KLHL15: variants seen among roughly 807,000 people sequenced by gnomAD.
KLHL15 encodes kelch-like protein 15.
KLHL15 carries 1 observed loss-of-function variant against 29.3 expected under a neutral mutation model. The ratio of observed to expected loss-of-function variants is 0.03; its 90% CI spans 0.01 to 0.16. The LOEUF (loss-of-function observed/expected upper bound fraction) is 0.16, where lower values mean the gene tolerates loss of function less well. Among genes scored for constraint, KLHL15 ranks in the 10% least tolerant of loss-of-function variants. The probability of loss-of-function intolerance (pLI) is 1.00; values close to 1 mark genes in which losing one functional copy is unlikely to be tolerated. For missense variants in KLHL15, 215 were observed against 478.5 expected (o/e 0.45, Z 5.14); for synonymous variants, 212 against 184.5 (o/e 1.15, Z -1.21).
intron 2 of KLHL15, among the ~76,000 whole-genome samples, chrX:24,015,995 A>G (rs5925982): frequency 0.44 from 47,588 of 106,978 alleles, 9,274 homozygotes; most frequent in South Asian, 0.77. Context: ...GTGAAACTCC[A>G]TCTCAAATTA....
intron 2 of KLHL15, among the ~76,000 whole-genome samples, chrX:24,016,339 C>CAAAAAAAA (rs755683770): frequency 9.2e-5 from 2 of 21,691 alleles, no homozygotes; most frequent in African/African-American, 2.9e-4. Flanking sequence ...GACTCTGTCT[C>CAAAAAAAA]AAAAAAAAAA....
chrX:23,993,004 T>C (rs986735419), intron 3 of KLHL15, among the ~76,000 whole-genome samples: 1 of 111,312 alleles, frequency 9.0e-6, no homozygotes, highest in Non-Finnish European at 1.9e-5. Context: ...TAATGTAATA[T>C]TAACAAATAA....
intron 3 of KLHL15, among the ~76,000 whole-genome samples, chrX:23,990,617 T>C (rs1437257777): frequency 2.7e-5 from 3 of 111,081 alleles, no homozygotes; most frequent in East Asian, 2.8e-4. Flanking sequence ...TTGATATCAA[T>C]AGGGAAAGCA....
chrX:24,014,937 C>G (rs1184683043), intron 2 of KLHL15, among the ~76,000 whole-genome samples: 1 of 112,307 alleles, frequency 8.9e-6, no homozygotes. Context: ...CCACTTCTGT[C>G]TGCCATGTGG....
At chrX:24,004,097 G>A (rs1034749115) in intron 3 of KLHL15, among the ~76,000 whole-genome samples, 9 of 111,426 alleles carry the variant, frequency 8.1e-5, no homozygotes, top group South Asian at 7.5e-4. Context: ...TAGAACGAAT[G>A]GGGGCTTTTC....
At chrX:23,997,016 AG>A (rs1433295947) in intron 3 of KLHL15, among the ~76,000 whole-genome samples, 1 of 112,090 alleles carries the variant, frequency 8.9e-6, no homozygotes, top group African/African-American at 3.2e-5. Flanking sequence ...GATAAATCGT[AG>A]TAAGAATTTA....
chrX:23,992,859 T>TA (rs962411637), intron 3 of KLHL15, among the ~76,000 whole-genome samples: 8 of 111,884 alleles, frequency 7.2e-5, no homozygotes, highest in African/African-American at 2.3e-4. Context: ...ACGAGTGAAA[T>TA]AGAGCTACAA....
intron 3 of KLHL15, among the ~76,000 whole-genome samples, chrX:24,003,139 T>C (rs1427510589): frequency 8.9e-6 from 1 of 112,132 alleles, no homozygotes; most frequent in African/African-American, 3.2e-5. Context: ...TAACAGGAAG[T>C]CCCAGATTGG....
At position 23,987,002 on chromosome X, in the gene KLHL15, CA is replaced by C. The variant is rs1187925586; in HGVS notation, c.*918del. 1 of 112,081 alleles carries C rather than the reference CA, an allele frequency of 8.9e-6. No homozygotes were observed. The highest frequency in any genetic ancestry group is 1.9e-5 in the Non-Finnish European group (1 of 53,167). 9.2% of individuals were successfully genotyped at this position (112,081 alleles called of 1,213,427 possible). A position where few individuals can be genotyped will look rare whatever the true frequency, so the allele number is the denominator to read the frequency against. ...AACAGACTGCAAAGAAAAACATTTT[CA>C]AAAAGAAAAGACATACATCGACAAA... On this transcript the variant is annotated 3_prime_UTR_variant, in exon 4 of 4. Coordinates refer to ENST00000328046, the MANE Select transcript of KLHL15 (RefSeq NM_030624.3).
intron 1 of KLHL15, among the ~76,000 whole-genome samples, chrX:24,025,929 C>G (rs1000628528): frequency 9.0e-6 from 1 of 110,992 alleles, no homozygotes; most frequent in Non-Finnish European, 1.9e-5. Context: ...GGTCTCTCTC[C>G]GCCTGCACGA....
At chrX:23,995,121 C>CAT (rs1372572516) in intron 3 of KLHL15, among the ~76,000 whole-genome samples, 1 of 111,644 alleles carries the variant, frequency 9.0e-6, no homozygotes, top group South Asian at 3.7e-4. Flanking sequence ...CACACACACG[C>CAT]ATATATACAC....
rs774719626 is a variant in KLHL15 at position 24,014,828 on chromosome X, G to C, written c.-7-8128C>G. ...ATGAATCAAGATGAACAGAAACTTA[G>C]CAAAGGCGAGGGAAAGAGAAACAAA... On this transcript the variant is annotated intron_variant, in intron 2 of 3. Coordinates refer to ENST00000328046, the MANE Select transcript of KLHL15 (RefSeq NM_030624.3). Among the ~76,000 whole-genome samples, 14 of 112,228 alleles carry C rather than the reference G, an allele frequency of 1.2e-4. No homozygotes were observed. The East Asian group carries it at 3.6e-3, about 29-fold the overall frequency.
intron 3 of KLHL15, among the ~76,000 whole-genome samples, chrX:23,991,437 T>C (rs1175872412): frequency 9.1e-6 from 1 of 109,390 alleles, no homozygotes; most frequent in East Asian, 2.8e-4. Context: ...AAGAATCGCT[T>C]GAACCCGGGA....
At chrX:24,016,798 T>C (rs924551528) in intron 2 of KLHL15, among the ~76,000 whole-genome samples, 9 of 111,589 alleles carry the variant, frequency 8.1e-5, no homozygotes, top group African/African-American at 2.6e-4. Context: ...TTAAGGCTTA[T>C]TATCATGCCC....
intron 2 of KLHL15, among the ~76,000 whole-genome samples, chrX:24,012,450 T>C (rs1929594871): frequency 9.0e-6 from 1 of 111,127 alleles, no homozygotes; most frequent in African/African-American, 3.3e-5. Flanking sequence ...TTTCTCAATC[T>C]CCTTCATGGG....
chrX:23,999,613 A>G (rs1929270353), intron 3 of KLHL15, among the ~76,000 whole-genome samples: 1 of 108,786 alleles, frequency 9.2e-6, no homozygotes, highest in Non-Finnish European at 1.9e-5. Flanking sequence ...AAAAAAAAAG[A>G]GAGAATCAGC....
chrX:24,021,714 C>A (rs1023157316), intron 2 of KLHL15, among the ~76,000 whole-genome samples: 1 of 111,239 alleles, frequency 9.0e-6, no homozygotes, highest in Non-Finnish European at 1.9e-5. Flanking sequence ...TTGCCCAAGG[C>A]TATAATTATT....
At position 24,025,228 on chromosome X, in the gene KLHL15, GC is replaced by G. The variant is rs2147114023; in HGVS notation, c.-209-171del. Among the ~76,000 whole-genome samples, 3 of 111,823 alleles carry G rather than the reference GC, an allele frequency of 2.7e-5. No homozygotes were observed. The South Asian group carries it at 1.1e-3, about 40-fold the overall frequency. Reference sequence around the variant, plus strand: ...CGCGGGCGGGGAAAAGGGCTGGGGGGCAGCAGGCAGAGACAGAAGCACCAGC... The same window carrying G: ...CGCGGGCGGGGAAAAGGGCTGGGGGGAGCAGGCAGAGACAGAAGCACCAGC... On this transcript the variant is annotated intron_variant, in intron 1 of 3. Transcript: ENST00000328046.
chrX:23,995,475 C>T (rs1279323826), intron 3 of KLHL15, among the ~76,000 whole-genome samples: 2 of 70,793 alleles, frequency 2.8e-5, no homozygotes, highest in East Asian at 1.3e-3. Context: ...AGTTAGAGTA[C>T]ATTTTTTTTT....
Sources: allele counts gnomAD v4.1 joint callset (sites outside exome capture counted in the v4.1 genomes callset), GRCh38; gene constraint gnomAD v4.1.1; transcripts MANE v1.5; gene names NCBI Gene and HGNC (gene_info 2026-07-23, HGNC 2026-07-21).